ADGRL3: variants seen among roughly 807,000 people sequenced by gnomAD.
ADGRL3 encodes calcium-independent alpha-latrotoxin receptor 3.
A neutral mutation model predicts 153.5 loss-of-function variants in ADGRL3; 62 were observed. The ratio of observed to expected loss-of-function variants is 0.40; its 90% CI spans 0.33 to 0.50. The LOEUF is 0.50. Among genes scored for constraint, ADGRL3 ranks in the 20% least tolerant of loss-of-function variants. The pLI, the probability that ADGRL3 is intolerant of heterozygous loss-of-function variation, is 0.47. For synonymous variants in ADGRL3, 710 were observed against 672.5 expected, an observed-to-expected ratio of 1.06 and a Z score of -0.86; for missense variants, 1,641 against 1,859.4, an observed-to-expected ratio of 0.88 and a Z score of 2.16.
At chr4:61,338,393 CTGTG>C (rs4038726) in intron 1 of ADGRL3, among the ~76,000 whole-genome samples, 60 of 149,624 alleles carry the variant, frequency 4.0e-4, no homozygotes, top group East Asian at 7.9e-4. Flanking sequence ...CAGTGTGTGT[CTGTG>C]TGTGTGTGTG....
At chr4:62,015,577 A>G (rs1042900671) in intron 21 of ADGRL3, among the ~76,000 whole-genome samples, 2 of 152,148 alleles carry the variant, frequency 1.3e-5, no homozygotes, top group African/African-American at 4.8e-5. Context: ...TTCTGCCTCC[A>G]TTGAATTTAC....
At chr4:61,666,145 GAC>G (rs916673392) in intron 5 of ADGRL3, among the ~76,000 whole-genome samples, 3 of 152,058 alleles carry the variant, frequency 2.0e-5, no homozygotes, top group African/African-American at 7.2e-5. Flanking sequence ...TATATATGCA[GAC>G]ACACACATGC....
chr4:61,539,214 C>G (rs886862128), intron 4 of ADGRL3, among the ~76,000 whole-genome samples: 2 of 152,180 alleles, frequency 1.3e-5, no homozygotes, highest in Non-Finnish European at 1.5e-5. Context: ...AGCTTACTTT[C>G]AATAGGGGTG....
intron 8 of ADGRL3, among the ~76,000 whole-genome samples, chr4:61,805,233 C>T (rs757556989): frequency 1.8e-4 from 28 of 152,172 alleles, no homozygotes; most frequent in Non-Finnish European, 3.7e-4. Flanking sequence ...TGAGCCACCG[C>T]GCCTGGCCTG....
At chr4:61,222,092 A>G (rs1246240948) in intron 1 of ADGRL3, among the ~76,000 whole-genome samples, 1 of 152,016 alleles carries the variant, frequency 6.6e-6, no homozygotes, top group Non-Finnish European at 1.5e-5. Flanking sequence ...ATTAGATTCT[A>G]CTTTTCATTT....
At chr4:61,775,848 C>T in intron 8 of ADGRL3, 1 of 521,296 alleles carries the variant, frequency 1.9e-6, no homozygotes. Context: ...CTTCCTCGGC[C>T]ATGGCGGTGG....
chr4:61,253,458 A>C (rs541665229), intron 1 of ADGRL3, among the ~76,000 whole-genome samples: 147 of 152,076 alleles, frequency 9.7e-4, no homozygotes, highest in Admixed American at 2.6e-3. Flanking sequence ...TACTCCATTG[A>C]CAAACATGGG....
In ADGRL3 at chr4:61,398,047, T is replaced by G. The variant is rs147838731; in HGVS notation, c.-174+14858T>G. On this transcript the variant is annotated intron_variant, in intron 2 of 26. Coordinates refer to ENST00000683033, the MANE Select transcript of ADGRL3 (RefSeq NM_001387552.1). Reference sequence around the variant, plus strand: ...CACACTCACTAGGCTAGACTCTGAGTGATGAAATAATAAAGCGATATTGGT... The same window carrying G: ...CACACTCACTAGGCTAGACTCTGAGGGATGAAATAATAAAGCGATATTGGT... Among the ~76,000 whole-genome samples the G allele has an allele frequency of 2.4e-3, 362 of 151,968 alleles. 1 individual carries two copies. The highest frequency in any genetic ancestry group is 0.017 in the Middle Eastern group (5 of 292).
chr4:61,963,865 G>A (rs376319769), intron 17 of ADGRL3, among the ~76,000 whole-genome samples: 1 of 152,212 alleles, frequency 6.6e-6, no homozygotes, highest in African/African-American at 2.4e-5. Flanking sequence ...AGTGAGAAAC[G>A]TTTTGTAAGA....
At chr4:62,031,980 CA>C in intron 23 of ADGRL3, among the ~76,000 whole-genome samples, 1 of 140,216 alleles carries the variant, frequency 7.1e-6, no homozygotes, top group East Asian at 2.0e-4. Context: ...CACACACACA[CA>C]CACACACACA....
intron 8 of ADGRL3, among the ~76,000 whole-genome samples, chr4:61,736,986 T>A (rs1034153085): frequency 1.3e-5 from 2 of 152,122 alleles, no homozygotes; most frequent in African/African-American, 4.8e-5. Context: ...GATAGGAAAA[T>A]TTCAATTAAC....
At chr4:61,490,186 A>G (rs535691053) in intron 2 of ADGRL3, among the ~76,000 whole-genome samples, 1 of 152,210 alleles carries the variant, frequency 6.6e-6, no homozygotes, top group East Asian at 1.9e-4. Flanking sequence ...TCTTCAAATT[A>G]TAGCACAATT....
chr4:61,660,208 A>G (rs935816816), intron 5 of ADGRL3, among the ~76,000 whole-genome samples: 2 of 152,158 alleles, frequency 1.3e-5, no homozygotes, highest in Admixed American at 1.3e-4. Context: ...TTATGATACT[A>G]TGTAATTATA....
intron 13 of ADGRL3, among the ~76,000 whole-genome samples, chr4:61,933,369 G>T (rs918945838): frequency 2.0e-5 from 3 of 151,886 alleles, no homozygotes; most frequent in Non-Finnish European, 2.9e-5. Context: ...CAGGAAAGCG[G>T]ATCATTTTGT....
At chr4:61,592,902 G>T (rs970240022) in intron 5 of ADGRL3, among the ~76,000 whole-genome samples, 7 of 152,130 alleles carry the variant, frequency 4.6e-5, no homozygotes, top group African/African-American at 1.7e-4. Context: ...TCAAAGCATG[G>T]TTCATGGAAA....
chr4:61,726,210 G>GTTTTTGTTTTTTTTTTGTTTTTT (rs2096336878), intron 6 of ADGRL3, among the ~76,000 whole-genome samples: 3 of 118,480 alleles, frequency 2.5e-5, no homozygotes, highest in African/African-American at 9.5e-5. Context: ...TTTTTTTTTT[G>GTTTTTGTTTTTTTTTTGTTTTTT]TTTTTTGAGA....
At chr4:61,368,721 T>G (rs2151650260) in intron 1 of ADGRL3, among the ~76,000 whole-genome samples, 1 of 152,296 alleles carries the variant, frequency 6.6e-6, no homozygotes, top group East Asian at 1.9e-4. Context: ...GGCTCTTTTT[T>G]GGTTCCATAT....
At chr4:61,564,013 T>C (rs2098806411) in intron 4 of ADGRL3, among the ~76,000 whole-genome samples, 1 of 151,908 alleles carries the variant, frequency 6.6e-6, no homozygotes, top group African/African-American at 2.4e-5. Context: ...CTCAAATAAA[T>C]AAATAAATAA....
chr4:61,203,652 T>C (rs1392543998), intron 1 of ADGRL3, among the ~76,000 whole-genome samples: 2 of 152,234 alleles, frequency 1.3e-5, no homozygotes, highest in Non-Finnish European at 2.9e-5. Flanking sequence ...AACACTTCTT[T>C]AGCACTTTTT....
Sources: gnomAD v4.1 joint callset for allele counts (sites outside exome capture counted in the v4.1 genomes callset) on GRCh38, gnomAD v4.1.1 for gene constraint, MANE v1.5 for transcripts, NCBI Gene and HGNC (gene_info 2026-07-23, HGNC 2026-07-21) for gene names.